The following ANO1 variants were observed in gnomAD, a reference collection of about 807,000 sequenced individuals.
ANO1 encodes anoctamin 1, also known as anoctamin-1.
ANO1 carries 59 observed loss-of-function variants against 124.0 expected under a neutral mutation model. The observed-to-expected ratio is 0.48, with a 90% confidence interval of 0.39 to 0.59. The LOEUF (loss-of-function observed/expected upper bound fraction) is 0.59, where lower values mean the gene tolerates loss of function less well. Among genes scored for constraint, ANO1 ranks in the 20% least tolerant of loss-of-function variants. The probability of loss-of-function intolerance (pLI) is 0.00; values close to 1 mark genes in which losing one functional copy is unlikely to be tolerated. For missense variants in ANO1, 1,059 were observed against 1,328.0 expected (o/e 0.80, Z 3.15); for synonymous variants, 529 against 532.0 (o/e 0.99, Z 0.08).
chr11:70,130,958 TGCTGTGTGAACC>T (rs2135520270), intron 10 of ANO1, among the ~76,000 whole-genome samples: 1 of 152,360 alleles, frequency 6.6e-6, no homozygotes, highest in East Asian at 1.9e-4. Flanking sequence ...CGGATGGAGA[TGCTGTGTGAACC>T]GCTCATAGAC....
intron 21 of ANO1, 92 bp downstream of exon 21, chr11:70,167,479 C>T: frequency 6.7e-7 from 1 of 1,482,856 alleles, no homozygotes; most frequent in South Asian, 1.3e-5. Context: ...GGCATGATGC[C>T]CCCAACCCTG....
At chr11:70,103,243 A>G in intron 3 of ANO1, 79 bp downstream of exon 3, 1 of 1,131,416 alleles carries the variant, frequency 8.8e-7, no homozygotes, top group Non-Finnish European at 1.3e-6. Flanking sequence ...AAACATGCCG[A>G]CCTCGAGGCC....
chr11:69,994,543 T>A (rs1275388676), intron 1 of ANO1, among the ~76,000 whole-genome samples: 2 of 152,166 alleles, frequency 1.3e-5, no homozygotes, highest in Non-Finnish European at 2.9e-5. Flanking sequence ...ATAGACATCA[T>A]CTATATATAT....
intron 1 of ANO1, among the ~76,000 whole-genome samples, chr11:69,999,603 A>C (rs1856342010): frequency 6.6e-6 from 1 of 152,178 alleles, no homozygotes; most frequent in African/African-American, 2.4e-5. Flanking sequence ...GGCTTTACGC[A>C]CCATCTGGCC....
chr11:70,171,381 T>A (rs1476480118), intron 22 of ANO1, among the ~76,000 whole-genome samples: 1 of 109,772 alleles, frequency 9.1e-6, no homozygotes, highest in Non-Finnish European at 2.0e-5. Context: ...GTAGCAATTG[T>A]GTGACCCCCA....
At chr11:69,978,304 A>C in the ANO1 span, among the ~76,000 whole-genome samples, 8 of 151,748 alleles carry the variant, frequency 5.3e-5, no homozygotes, top group Non-Finnish European at 7.4e-5. Context: ...CTAGAAGCGG[A>C]TGGACTGGGT....
At chr11:70,145,168 G>GCCT (rs2047316908) in intron 11 of ANO1, among the ~76,000 whole-genome samples, 1 of 152,174 alleles carries the variant, frequency 6.6e-6, no homozygotes, top group Non-Finnish European at 1.5e-5. Context: ...TCCACTAGAA[G>GCCT]GTGGTTCTTC....
intron 22 of ANO1, among the ~76,000 whole-genome samples, chr11:70,176,780 T>C (rs534304140): frequency 1.8e-4 from 28 of 152,252 alleles, no homozygotes; most frequent in South Asian, 2.1e-4. Flanking sequence ...CCCATTCAAA[T>C]GGTTCGGGGG....
At chr11:69,981,030 G>C (rs1554996174), upstream of ANO1, among the ~76,000 whole-genome samples, 7 of 152,184 alleles carry the variant, frequency 4.6e-5, no homozygotes. Flanking sequence ...CCAGCCTGGT[G>C]ACAGGAGCGA....
intron 2 of ANO1, among the ~76,000 whole-genome samples, chr11:70,095,409 A>G (rs1435255221): frequency 2.9e-4 from 12 of 41,284 alleles, no homozygotes; most frequent in Admixed American, 6.4e-4. Context: ...AAAGAAAGAA[A>G]GAAAGAAAGA....
At chr11:70,077,185 T>A (rs1269891137), upstream of ANO1, among the ~76,000 whole-genome samples, 1 of 152,222 alleles carries the variant, frequency 6.6e-6, no homozygotes, top group Non-Finnish European at 1.5e-5. Flanking sequence ...TAACAAGCAA[T>A]TATTGAGCAT....
At chr11:70,134,032 T>G (rs965107249) in intron 11 of ANO1, among the ~76,000 whole-genome samples, 14 of 152,202 alleles carry the variant, frequency 9.2e-5, no homozygotes, top group Admixed American at 3.3e-4. Flanking sequence ...TTAGATGCTT[T>G]GTGGACGGCC....
chr11:70,005,254 AC>A (rs1856465917), intron 1 of ANO1, among the ~76,000 whole-genome samples: 2 of 152,260 alleles, frequency 1.3e-5, no homozygotes, highest in East Asian at 1.9e-4. Context: ...AAATCCCCTC[AC>A]AGATTGATAT....
chr11:70,165,418 G>T lies in ANO1; in HGVS notation c.1951-52G>T, dbSNP rs1590900562. 6.1e-6 allele frequency: 9 copies of T among 1,483,026 alleles called. No homozygotes were observed. The East Asian group carries it at 1.7e-4, about 28-fold the overall frequency. 91.9% of individuals were successfully genotyped at this position (1,483,026 alleles called of 1,614,324 possible). On this transcript the variant is annotated intron_variant, in intron 19 of 25. Coordinates refer to ENST00000355303, the MANE Select transcript of ANO1 (RefSeq NM_018043.7). Reference sequence around the variant, plus strand: ...GGGTGGGCCTCCCTGCAGGGCTGGGGTCCCTCTCTCGGTGTCCCTGTAGCG... The same window carrying T: ...GGGTGGGCCTCCCTGCAGGGCTGGGTTCCCTCTCTCGGTGTCCCTGTAGCG...
At chr11:70,057,224 G>C (rs1373833472) in intron 1 of ANO1, among the ~76,000 whole-genome samples, 1 of 152,166 alleles carries the variant, frequency 6.6e-6, no homozygotes, top group Non-Finnish European at 1.5e-5. Context: ...ACAATGCGGA[G>C]GCTCCAGATG....
At chr11:70,136,328 G>A (rs2046953818) in intron 11 of ANO1, among the ~76,000 whole-genome samples, 2 of 152,168 alleles carry the variant, frequency 1.3e-5, no homozygotes. Flanking sequence ...ACCCGCACCA[G>A]TCAAGAGGTT....
chr11:70,116,484 G>A lies in ANO1; in HGVS notation c.882G>A (p.Glu294=). 2 of 1,598,284 alleles carry A rather than the reference G, an allele frequency of 1.3e-6. No homozygotes were observed. Among genetic ancestry groups the A allele is most frequent in the Non-Finnish European group, 1.7e-6 (2 of 1,172,318 alleles). ...GAGACTACAACGGTGAAAACGTCGA[G>A]TTCAACGACAGAAAAGTAAGTTGAT... is the stretch of plus-strand genomic sequence containing the variant. ...HDGDYNGENV[E]FNDRKLLYEE... is the part of the protein sequence containing the mutation. The change falls in exon 8 of 26, where the codon GAG becomes GAA. Residue 294 remains glutamate (E), a synonymous_variant. Transcript: ENST00000355303.
intron 25 of ANO1, 114 bp from the exon 26 acceptor site, chr11:70,187,624 A>G (rs1354214318): frequency 5.3e-6 from 7 of 1,326,984 alleles, no homozygotes; most frequent in Admixed American, 4.7e-5. Flanking sequence ...AGGGAGGTCA[A>G]TGGGCCAGGA....
At position 70,186,345 on chromosome 11, in the gene ANO1, G is replaced by GGGGA. The variant is rs1202570780; in HGVS notation, c.2694+657_2694+660dup. Among the ~76,000 whole-genome samples the GGGGA allele has an allele frequency of 2.9e-3, 245 of 84,852 alleles. 2 individuals are homozygous for GGGGA. Among genetic ancestry groups the GGGGA allele is most frequent in the Middle Eastern group, 0.011 (2 of 176 alleles). 55.7% of individuals were successfully genotyped at this position (84,852 alleles called of 152,430 possible). On this transcript the variant is annotated intron_variant, in intron 25 of 25. Transcript: ENST00000355303. Reference sequence around the variant, plus strand: ...AGAGGAGGAGGAGGAGGACGAGGAGGGGGAGGGAGGAAGGAAGGAAGGAAG... The same window carrying GGGGA: ...AGAGGAGGAGGAGGAGGACGAGGAGGGGGAGGGAGGGAGGAAGGAAGGAAGGAAG...
Sources: gnomAD v4.1 joint callset for allele counts (sites outside exome capture counted in the v4.1 genomes callset) on GRCh38, gnomAD v4.1.1 for gene constraint, MANE v1.5 for transcripts, NCBI Gene and HGNC (gene_info 2026-07-23, HGNC 2026-07-21) for gene names.